ATP2C2: variants seen among roughly 807,000 people sequenced by gnomAD.
ATP2C2 encodes ATPase secretory pathway Ca2+ transporting 2.
In ATP2C2, 171 loss-of-function variants were observed where a neutral mutation model predicts 110.8. The ratio of observed to expected loss-of-function variants is 1.54; its 90% confidence interval spans 1.36 to 1.75. The LOEUF (loss-of-function observed/expected upper bound fraction) is 1.75, where lower values mean the gene tolerates loss of function less well. Among genes scored for constraint, ATP2C2 ranks in the 40% most tolerant of loss-of-function variants. The probability of loss-of-function intolerance (pLI) is 0.00; values close to 1 mark genes in which losing one functional copy is unlikely to be tolerated. For synonymous variants in ATP2C2, 804 were observed against 508.4 expected (o/e 1.58, Z -7.82); for missense variants, 1,963 against 1,235.0 (o/e 1.59, Z -8.84).
chr16:84,405,331 G>C, intron 3 of ATP2C2, 87 bp downstream of exon 3: 2 of 1,173,428 alleles, frequency 1.7e-6, no homozygotes, highest in African/African-American at 1.5e-5. Context: ...GTTGATGGAA[G>C]GCATCCTTGG....
At position 84,453,447 on chromosome 16, in the gene ATP2C2, G is replaced by A. The variant is rs550490854; in HGVS notation, c.1980+76G>A. ...ACACTGTGGCTCGAGGAGCTCATGC[G>A]TCCGTCGGGTGACAGTGCAGGGCCC... On this transcript the variant is annotated intron_variant, in intron 20 of 26. Transcript: ENST00000262429. 218 of 1,579,802 alleles carry A rather than the reference G, an allele frequency of 1.4e-4. 1 individual carries two copies. In the East Asian group the frequency reaches 2.2e-3, roughly 16 times the overall value.
At position 84,424,305 on chromosome 16, in the gene ATP2C2, GTCTCAC is replaced by G. The variant is rs535318668; in HGVS notation, c.919+1046_919+1051del. 5.1e-3 allele frequency among the ~76,000 whole-genome samples: 772 copies of G among 152,300 alleles called. 12 individuals carry two copies. Among genetic ancestry groups the G allele is most frequent in the African/African-American group, 0.018 (748 of 41,562 alleles). On this transcript the variant is annotated intron_variant, in intron 10 of 26. Coordinates refer to ENST00000262429, the MANE Select transcript of ATP2C2 (RefSeq NM_014861.4). ...TTTTTTTTGAGGGGGCAGGAATGGA[GTCTCAC>G]TCTGTTGCCCAGACTGGAGAGCAGT...
chr16:84,379,312 G>C (rs900695199), intron 1 of ATP2C2, among the ~76,000 whole-genome samples: 2 of 152,122 alleles, frequency 1.3e-5, no homozygotes, highest in Non-Finnish European at 2.9e-5. Context: ...GAATAGCTGG[G>C]AATACAAGCA....
In ATP2C2 at chr16:84,443,415, T is replaced by C. The variant is rs1195490773; in HGVS notation, c.1401+816T>C. On this transcript the variant is annotated intron_variant, in intron 15 of 26. Transcript: ENST00000262429. ...TGCTTTCTGCTGTGTGACTTGTCTC[T>C]GACTCGGGTGTGATCAGAACCCTCT... Among the ~76,000 whole-genome samples the C allele has an allele frequency of 4.6e-5, 7 of 152,152 alleles. No homozygotes were observed. The East Asian group carries it at 1.4e-3, about 29-fold the overall frequency.
chr16:84,451,785 C>T, intron 17 of ATP2C2, 136 bp from the exon 18 acceptor site: 3 of 867,416 alleles, frequency 3.5e-6, no homozygotes, highest in South Asian at 3.3e-5. Flanking sequence ...CTGCAGTGAG[C>T]CAACATTACA....
chr16:84,413,846 A>T (rs1388407530), intron 6 of ATP2C2, among the ~76,000 whole-genome samples: 1 of 152,126 alleles, frequency 6.6e-6, no homozygotes, highest in African/African-American at 2.4e-5. Context: ...TTTATTGAGC[A>T]CCTACTGTAT....
intron 21 of ATP2C2, 115 bp downstream of exon 21, chr16:84,455,099 G>C: frequency 2.2e-6 from 3 of 1,351,904 alleles, no homozygotes; most frequent in South Asian, 2.6e-5. Flanking sequence ...TCCCCAGGGA[G>C]AGCTGAATCT....
intron 11 of ATP2C2, among the ~76,000 whole-genome samples, chr16:84,431,725 C>T (rs1363383780): frequency 6.6e-6 from 1 of 152,128 alleles, no homozygotes; most frequent in Admixed American, 6.6e-5. Flanking sequence ...CATGGGGAAA[C>T]TCATGGCCCC....
intron 1 of ATP2C2, among the ~76,000 whole-genome samples, chr16:84,397,189 G>T (rs944403224): frequency 4.6e-5 from 7 of 151,630 alleles, no homozygotes; most frequent in Non-Finnish European, 8.8e-5. Flanking sequence ...AAAGCCTCCC[G>T]AAGCCTCCAG....
chr16:84,439,593 C>A lies in ATP2C2; in HGVS notation c.1209+69C>A, dbSNP rs571611013. 8 of 1,343,058 alleles carry A rather than the reference C, an allele frequency of 6.0e-6. No individual in the cohort carries two copies. In the South Asian group the frequency reaches 9.3e-5, roughly 16 times the overall value. 83.2% of individuals were successfully genotyped at this position (1,343,058 alleles called of 1,614,324 possible). A position where few individuals can be genotyped will look rare whatever the true frequency, so the allele number is the denominator to read the frequency against. ...CAGGCTGTCTCCTTTCTAAACTAAGCACACAATGTCTTCTAGAACACAATA... is the reference window on the plus strand; with the variant it reads ...CAGGCTGTCTCCTTTCTAAACTAAGAACACAATGTCTTCTAGAACACAATA... On this transcript the variant is annotated intron_variant, in intron 13 of 26. Coordinates refer to ENST00000262429, the MANE Select transcript of ATP2C2 (RefSeq NM_014861.4).
At position 84,418,389 on chromosome 16, in the gene ATP2C2, C is replaced by T. The variant is rs191864922; in HGVS notation, c.624+2798C>T. On this transcript the variant is annotated intron_variant, in intron 7 of 26. Coordinates refer to ENST00000262429, the MANE Select transcript of ATP2C2 (RefSeq NM_014861.4). ...GGTCACCAGAAGCCCCTCCTGCCCA[C>T]CTGCTGAACCCACACACAACCACCT... Among the ~76,000 whole-genome samples the T allele has an allele frequency of 3.3e-4, 50 of 152,272 alleles. 1 individual carries two copies. The highest frequency in any genetic ancestry group is 2.8e-4 in the Non-Finnish European group (19 of 68,004).
In ATP2C2 at chr16:84,425,939, C is replaced by T. The variant is rs991042031; in HGVS notation, c.986+138C>T. 5.0e-6 allele frequency: 5 copies of T among 1,002,636 alleles called. No individual in the cohort carries two copies. The South Asian group carries it at 5.5e-5, about 11-fold the overall frequency. 62.1% of individuals were successfully genotyped at this position (1,002,636 alleles called of 1,614,324 possible). A position where few individuals can be genotyped will look rare whatever the true frequency, so the allele number is the denominator to read the frequency against. ...GCAGCCCCGTCACCCAAACTCCAGC[C>T]TCCCAATAGCATGTTCTCCGACAGG... On this transcript the variant is annotated intron_variant, in intron 11 of 26. Coordinates refer to ENST00000262429, the MANE Select transcript of ATP2C2 (RefSeq NM_014861.4).
chr16:84,430,243 G>A (rs1369228248), intron 11 of ATP2C2, among the ~76,000 whole-genome samples: 1 of 152,198 alleles, frequency 6.6e-6, no homozygotes, highest in Non-Finnish European at 1.5e-5. Context: ...TGGACAACAA[G>A]CTCGTTGAAG....
rs202071256 is a variant in ATP2C2 at position 84,460,738 on chromosome 16, C to G, written c.2418C>G (p.Ile806Met). 1.5e-5 allele frequency: 24 copies of G among 1,614,048 alleles called. No homozygotes were observed. Among genetic ancestry groups the G allele is most frequent in the Non-Finnish European group, 1.8e-5 (21 of 1,180,024 alleles). Residue 806 changes from isoleucine (I) to methionine (M), a missense_variant, in exon 24 of 27, where the codon ATC becomes ATG. Transcript: ENST00000262429. ...ACACCATCCTCAGCAGAGCCCTCAT[C>G]CTGAAGATCCTCATGTCCGCGGCCA... Reference protein sequence around the residue: ...VRDTILSRALILKILMSAAII... With the variant: ...VRDTILSRALMLKILMSAAII...
chr16:84,399,888 C>A (rs2151418009), intron 2 of ATP2C2, among the ~76,000 whole-genome samples: 1 of 152,136 alleles, frequency 6.6e-6, no homozygotes, highest in East Asian at 1.9e-4. Flanking sequence ...TTTTTTGTAC[C>A]CATAGCCCTC....
At chr16:84,459,663 G>T in intron 23 of ATP2C2, 1 of 1,357,550 alleles carries the variant, frequency 7.4e-7, no homozygotes, top group Admixed American at 2.0e-5. Context: ...TCATTCTCAT[G>T]CTTCATTCCA....
At chr16:84,442,698 C>A in intron 15 of ATP2C2, 99 bp downstream of exon 15, 1 of 1,154,570 alleles carries the variant, frequency 8.7e-7, no homozygotes, top group Non-Finnish European at 1.3e-6. Flanking sequence ...GGAGTGGGGA[C>A]GTTAGGTAAT....
chr16:84,419,042 C>T (rs12917873), intron 7 of ATP2C2, among the ~76,000 whole-genome samples: 1 of 151,672 alleles, frequency 6.6e-6, no homozygotes, highest in Admixed American at 6.6e-5. Flanking sequence ...AACCCTGTCT[C>T]TACTAAAAAT....
At chr16:84,459,017 C>A in intron 21 of ATP2C2, 103 bp from the exon 22 acceptor site, 1 of 1,273,186 alleles carries the variant, frequency 7.9e-7, no homozygotes, top group Non-Finnish European at 1.1e-6. Context: ...CCAAGTATAA[C>A]ATCAATCTGG....
Sources: allele counts gnomAD v4.1 joint callset (sites outside exome capture counted in the v4.1 genomes callset), GRCh38; gene constraint gnomAD v4.1.1; transcripts MANE v1.5; gene names NCBI Gene and HGNC (gene_info 2026-07-23, HGNC 2026-07-21).